Variants in GTF3C1 observed in about 807,000 individuals in gnomAD.
The protein encoded by GTF3C1 is general transcription factor IIIC subunit 1.
GTF3C1 carries 57 observed loss-of-function variants against 226.7 expected under a neutral mutation model. The ratio of observed to expected loss-of-function variants is 0.25; its 90% CI spans 0.20 to 0.31. GTF3C1 has a LOEUF of 0.31. Ranked by LOEUF, GTF3C1 falls within the 10% of genes least tolerant of loss-of-function variation. The probability of loss-of-function intolerance (pLI) is 1.00; values close to 1 mark genes in which losing one functional copy is unlikely to be tolerated. For synonymous variants in GTF3C1, 1,090 were observed against 1,084.8 expected (o/e 1.00, Z -0.09); for missense variants, 2,217 against 2,776.1 (o/e 0.80, Z 4.53).
chr16:27,534,511 C>T (rs1357717685), intron 4 of GTF3C1, among the ~76,000 whole-genome samples: 1 of 152,204 alleles, frequency 6.6e-6, no homozygotes, highest in Non-Finnish European at 1.5e-5. Flanking sequence ...TGCATATGAG[C>T]CACTCTGCAT....
intron 14 of GTF3C1, among the ~76,000 whole-genome samples, chr16:27,496,724 G>T (rs1044173302): frequency 6.6e-6 from 1 of 152,148 alleles, no homozygotes; most frequent in Non-Finnish European, 1.5e-5. Context: ...TTTTAAAGGG[G>T]CTTATTTCTT....
intron 23 of GTF3C1, 43 bp downstream of exon 23, chr16:27,488,184 A>C (rs1223514429): frequency 6.4e-7 from 1 of 1,566,032 alleles, no homozygotes; most frequent in South Asian, 1.2e-5. Context: ...TCCAAGCCAA[A>C]ACAAAGACAA....
In GTF3C1 at chr16:27,481,343, G is replaced by A. The variant is rs116119228; in HGVS notation, c.4084-152C>T. The A allele has an allele frequency of 1.4e-3, 926 of 656,686 alleles. 4 individuals are homozygous for A. In the African/African-American group the frequency reaches 0.015, roughly 11 times the overall value. The allele number at this position is 656,686 out of a possible 1,614,324, so 40.7% of individuals were successfully genotyped here. ...TGCCTCCCCTGGTCACCTGTCATCT[G>A]TCACCTGTCATCTGAGAAGCTCGGT... is the stretch of plus-strand genomic sequence containing the variant. On this transcript the variant is annotated intron_variant, in intron 26 of 36. Transcript: ENST00000356183.
At chr16:27,546,472 G>GTT (rs1159694912) in intron 1 of GTF3C1, among the ~76,000 whole-genome samples, 19 of 83,484 alleles carry the variant, frequency 2.3e-4, no homozygotes, top group African/African-American at 5.1e-4. Flanking sequence ...AGCTTGTCAA[G>GTT]TTTTTTTTTT....
chr16:27,504,114 A>G (rs925814700), intron 10 of GTF3C1, among the ~76,000 whole-genome samples: 6 of 152,248 alleles, frequency 3.9e-5, no homozygotes, highest in African/African-American at 1.4e-4. Context: ...GCTGCTGGAC[A>G]GCAAAGGCAA....
intron 10 of GTF3C1, among the ~76,000 whole-genome samples, chr16:27,503,865 A>C (rs1389241319): frequency 2.0e-5 from 3 of 152,132 alleles, no homozygotes; most frequent in Non-Finnish European, 4.4e-5. Context: ...CACTTTCAGG[A>C]AATGAGAAAG....
intron 4 of GTF3C1, among the ~76,000 whole-genome samples, chr16:27,537,139 C>G (rs1016285376): frequency 6.6e-6 from 1 of 152,176 alleles, no homozygotes; most frequent in African/African-American, 2.4e-5. Flanking sequence ...TGGTTGAGTG[C>G]TGCAAAACAT....
intron 16 of GTF3C1, among the ~76,000 whole-genome samples, chr16:27,494,245 T>C (rs1025113306): frequency 6.6e-6 from 1 of 151,654 alleles, no homozygotes; most frequent in Non-Finnish European, 1.5e-5. Flanking sequence ...ATTAAAAATA[T>C]AAAAAATTAG....
rs771449370 is a variant in GTF3C1 at position 27,470,230 on chromosome 16, A to G, written c.4692T>C (p.Pro1564=). ...TCAGGACGGCCACACAATTTCCTCC[A>G]GGGCCGTCCAGTGAAAAGGCCACCA... is the stretch of plus-strand genomic sequence containing the variant. The part of the protein sequence containing the change: ...NDMVAFSLDG[P]GGNCVAVLTL... Residue 1564 remains proline (P), a synonymous_variant, in exon 31 of 37, where the codon CCT becomes CCC. Transcript: ENST00000356183. The surrounding 1 kb of genome is among the most constrained non-coding windows in gnomAD (Gnocchi z 4.9). The G allele has an allele frequency of 2.5e-6, 4 of 1,613,264 alleles. No individual in the cohort carries two copies. In the Admixed American group the frequency reaches 5.0e-5, roughly 20 times the overall value.
intron 2 of GTF3C1, among the ~76,000 whole-genome samples, chr16:27,545,028 A>G (rs543027722): frequency 6.7e-6 from 1 of 148,896 alleles, no homozygotes; most frequent in East Asian, 2.0e-4. Flanking sequence ...GCTGAAGTGC[A>G]GTGGCATGAC....
In GTF3C1 at chr16:27,492,743, A is replaced by C; in HGVS notation, c.2877-30T>G. The C allele has an allele frequency of 1.7e-6, 2 of 1,201,902 alleles. No homozygotes were observed. The highest frequency in any genetic ancestry group is 2.5e-6 in the Non-Finnish European group (2 of 803,316). The allele number at this position is 1,201,902 out of a possible 1,614,324, so 74.5% of individuals were successfully genotyped here. ...AAAACAGAGGGGGCGGGAGGTTCTC[A>C]TCACACCACACTCGCAGCCGGCCGC... On this transcript the variant is annotated intron_variant, in intron 17 of 36. Coordinates refer to ENST00000356183, the MANE Select transcript of GTF3C1 (RefSeq NM_001520.4). This position sits in a 1 kb window ranked among gnomAD's most constrained non-coding sequence, Gnocchi z 5.0.
At chr16:27,504,653 C>T (rs1252024300) in intron 10 of GTF3C1, among the ~76,000 whole-genome samples, 1 of 151,992 alleles carries the variant, frequency 6.6e-6, no homozygotes, top group South Asian at 2.1e-4. Flanking sequence ...CAGTGGCTCA[C>T]GCCTGGAATC....
At chr16:27,515,613 G>T (rs1420798392) in intron 6 of GTF3C1, among the ~76,000 whole-genome samples, 3 of 152,202 alleles carry the variant, frequency 2.0e-5, no homozygotes, top group Non-Finnish European at 2.9e-5. Flanking sequence ...TTGGAGGGAA[G>T]GTAGGGATGA....
chr16:27,522,375 C>T (rs2088763308), intron 6 of GTF3C1, among the ~76,000 whole-genome samples: 1 of 152,234 alleles, frequency 6.6e-6, no homozygotes, highest in Non-Finnish European at 1.5e-5. Flanking sequence ...ACGCCTTCCC[C>T]ATCAAATGGT....
At position 27,463,642 on chromosome 16, in the gene GTF3C1, ATC is replaced by A. The variant is rs1451247977; in HGVS notation, c.5873-52_5873-51del. ...AGAGACTCGGAAAGTCAGGGAAGCCATCTCTGCCCTCCAACCTTCAGCATGGT... is the reference window on the plus strand; with the variant it reads ...AGAGACTCGGAAAGTCAGGGAAGCCATCTGCCCTCCAACCTTCAGCATGGT... On this transcript the variant is annotated intron_variant, in intron 34 of 36. Transcript: ENST00000356183. The surrounding 1 kb of genome is among the most constrained non-coding windows in gnomAD (Gnocchi z 4.9). 1 of 1,051,246 alleles carries A rather than the reference ATC, an allele frequency of 9.5e-7. No homozygotes were observed. Among genetic ancestry groups the A allele is most frequent in the Non-Finnish European group, 1.5e-6 (1 of 665,336 alleles). The allele number at this position is 1,051,246 out of a possible 1,614,324, so 65.1% of individuals were successfully genotyped here. A position where few individuals can be genotyped will look rare whatever the true frequency, so the allele number is the denominator to read the frequency against.
rs201274917 is a variant in GTF3C1, at chr16:27,489,682, C to T, written c.3213G>A (p.Glu1071=). ...NSSTDQGSDE[E]GSLQKEQESA... is the part of the protein sequence containing the mutation. ...TCTCCTGCTCCTTCTGCAGGCTGCC[C>T]TCCTCGTCGCTGCCCTGGTCTGTGC... The change falls in exon 20 of 37, where the codon GAG becomes GAA. Residue 1071 remains glutamate, a synonymous_variant. Coordinates refer to ENST00000356183, the MANE Select transcript of GTF3C1 (RefSeq NM_001520.4). 1.2e-6 allele frequency: 2 copies of T among 1,612,080 alleles called. No individual in the cohort carries two copies. The highest frequency in any genetic ancestry group is 1.7e-6 in the Non-Finnish European group (2 of 1,179,672).
chr16:27,531,162 CG>C (rs1159812826), intron 5 of GTF3C1, among the ~76,000 whole-genome samples: 4 of 151,926 alleles, frequency 2.6e-5, no homozygotes, highest in African/African-American at 7.2e-5. Flanking sequence ...CATTTCTACA[CG>C]GCCAGCAGCA....
chr16:27,488,900 C>G (rs2088186562), intron 21 of GTF3C1, 143 bp downstream of exon 21: 2 of 777,540 alleles, frequency 2.6e-6, no homozygotes, highest in African/African-American at 3.4e-5. Context: ...GGGAATAAAA[C>G]AGGCCAGGCA....
At chr16:27,509,964 G>T (rs2088548697) in intron 7 of GTF3C1, among the ~76,000 whole-genome samples, 1 of 151,688 alleles carries the variant, frequency 6.6e-6, no homozygotes, top group African/African-American at 2.4e-5. Context: ...GGATGAAAGG[G>T]CTAACCAGGT....
Sources: gnomAD v4.1 joint callset for allele counts (sites outside exome capture counted in the v4.1 genomes callset) on GRCh38, gnomAD v4.1.1 for gene constraint, Gnocchi (gnomAD v3.1) non-coding constraint, MANE v1.5 for transcripts, NCBI Gene and HGNC (gene_info 2026-07-23, HGNC 2026-07-21) for gene names.